Variants in PRIM2 observed in about 807,000 individuals in gnomAD.
PRIM2 encodes the protein DNA primase subunit 2.
A neutral mutation model predicts 67.3 loss-of-function variants in PRIM2; 39 were observed. The ratio of observed to expected loss-of-function variants is 0.58; its 90% confidence interval spans 0.45 to 0.76. The LOEUF (loss-of-function observed/expected upper bound fraction) is 0.76. Among genes scored for constraint, PRIM2 ranks in the 30% least tolerant of loss-of-function variants. The pLI is 0.00. For synonymous variants in PRIM2, 143 were observed against 198.7 expected (o/e 0.72, Z 2.36); for missense variants, 398 against 598.7 (o/e 0.66, Z 3.50).
chr6:57,359,340 T>G (rs1198911824), intron 5 of PRIM2, among the ~76,000 whole-genome samples: 1 of 152,182 alleles, frequency 6.6e-6, no homozygotes, highest in African/African-American at 2.4e-5. Context: ...AGAGGCATGT[T>G]GACATTCCCA....
At chr6:57,303,441 A>T in the PRIM2 span, among the ~76,000 whole-genome samples, 2 of 152,174 alleles carry the variant, frequency 1.3e-5, no homozygotes, top group Non-Finnish European at 2.9e-5. Context: ...CAAGAGAGAA[A>T]ATCTGACTGG....
chr6:57,361,912 G>T (rs1769214105), intron 5 of PRIM2, among the ~76,000 whole-genome samples: 1 of 152,094 alleles, frequency 6.6e-6, no homozygotes, highest in Non-Finnish European at 1.5e-5. Context: ...AAAAAAAAGT[G>T]GGCATTGCCA....
At chr6:57,598,940 C>CTTTT (rs1196895159) in intron 10 of PRIM2, among the ~76,000 whole-genome samples, 1 of 7,582 alleles carries the variant, frequency 1.3e-4, no homozygotes, top group Non-Finnish European at 2.0e-4. Context: ...TGACTGAGCT[C>CTTTT]TTTTTTTTTT....
upstream of PRIM2, among the ~76,000 whole-genome samples, chr6:57,310,317 A>G (rs1177353295): frequency 1.3e-5 from 2 of 152,192 alleles, no homozygotes; most frequent in Admixed American, 1.3e-4. Context: ...CCCTTAATCC[A>G]TTTAACCCTG....
intron 7 of PRIM2, among the ~76,000 whole-genome samples, chr6:57,448,256 T>G (rs7752223): frequency 0.033 from 5,012 of 152,230 alleles, 275 homozygotes; most frequent in African/African-American, 0.11. Context: ...TATTTTAATT[T>G]TCAAATCAGC....
the PRIM2 span, among the ~76,000 whole-genome samples, chr6:57,267,561 A>G: frequency 4.6e-5 from 7 of 151,954 alleles, no homozygotes; most frequent in South Asian, 2.1e-4. Context: ...GAGCATTGCT[A>G]TAAAGAATGG....
the PRIM2 span, among the ~76,000 whole-genome samples, chr6:57,294,103 A>G: frequency 2.6e-5 from 4 of 152,222 alleles, no homozygotes; most frequent in African/African-American, 9.6e-5. Flanking sequence ...ATGGAACTAT[A>G]AAAAATGATG....
intron 5 of PRIM2, among the ~76,000 whole-genome samples, chr6:57,346,242 G>A (rs1048364113): frequency 1.1e-4 from 17 of 152,182 alleles, no homozygotes; most frequent in Admixed American, 6.5e-4. Context: ...AGTTGCTCTC[G>A]CTCTACTAGA....
At chr6:57,556,321 C>T (rs1361664342) in intron 10 of PRIM2, among the ~76,000 whole-genome samples, 13 of 152,002 alleles carry the variant, frequency 8.6e-5, no homozygotes, top group Admixed American at 8.5e-4. Flanking sequence ...CCAAAAAGGC[C>T]TTAGTAGCCA....
At chr6:57,402,139 G>T (rs968014012) in intron 7 of PRIM2, among the ~76,000 whole-genome samples, 4 of 152,146 alleles carry the variant, frequency 2.6e-5, no homozygotes, top group African/African-American at 9.7e-5. Flanking sequence ...GGCTGCTGTG[G>T]TATCCTGGGG....
intron 5 of PRIM2, among the ~76,000 whole-genome samples, chr6:57,334,999 T>G (rs1768176970): frequency 6.6e-6 from 1 of 151,992 alleles, no homozygotes; most frequent in African/African-American, 2.4e-5. Flanking sequence ...GGTCAGTGGG[T>G]GCGCGCACCG....
chr6:57,345,177 G>C (rs1318301170), intron 5 of PRIM2, among the ~76,000 whole-genome samples: 1 of 145,490 alleles, frequency 6.9e-6, no homozygotes, highest in East Asian at 2.0e-4. Context: ...TTTTTTTTTT[G>C]AGACAGGGTT....
At chr6:57,427,605 A>G (rs1301378374) in intron 7 of PRIM2, among the ~76,000 whole-genome samples, 17 of 152,352 alleles carry the variant, frequency 1.1e-4, no homozygotes, top group African/African-American at 4.1e-4. Context: ...GGTGTGAGCC[A>G]CCATGCCCAG....
At chr6:57,613,830 T>C (rs1776706472) in intron 12 of PRIM2, among the ~76,000 whole-genome samples, 1 of 143,006 alleles carries the variant, frequency 7.0e-6, no homozygotes, top group Non-Finnish European at 1.5e-5. Context: ...ATGTCTACTC[T>C]TTTTTTTTAT....
chr6:57,503,880 A>C (rs1209465843), intron 7 of PRIM2, among the ~76,000 whole-genome samples: 1 of 152,236 alleles, frequency 6.6e-6, no homozygotes, highest in African/African-American at 2.4e-5. Flanking sequence ...AGGTTAGGGA[A>C]GGCCTCTGTG....
chr6:57,393,987 T>C (rs1412963808), intron 7 of PRIM2, among the ~76,000 whole-genome samples: 1 of 152,106 alleles, frequency 6.6e-6, no homozygotes, highest in Non-Finnish European at 1.5e-5. Context: ...TTTGGGTTTA[T>C]TTCTGGATTC....
chr6:57,303,417 T>C, the PRIM2 span, among the ~76,000 whole-genome samples: 2 of 152,204 alleles, frequency 1.3e-5, no homozygotes, highest in South Asian at 4.1e-4. Flanking sequence ...AATTTAATTG[T>C]TCACTCCAAA....
chr6:57,289,459 A>G, the PRIM2 span, among the ~76,000 whole-genome samples: 1 of 152,190 alleles, frequency 6.6e-6, no homozygotes, highest in South Asian at 2.1e-4. Context: ...AGGGAACACC[A>G]CAAAGATACT....
At chr6:57,500,472 A>G (rs1774108840) in intron 7 of PRIM2, among the ~76,000 whole-genome samples, 1 of 152,208 alleles carries the variant, frequency 6.6e-6, no homozygotes, top group African/African-American at 2.4e-5. Flanking sequence ...AAGAAGGTTT[A>G]CTCAAGCAAA....
Sources: allele counts gnomAD v4.1 joint callset (sites outside exome capture counted in the v4.1 genomes callset), GRCh38; gene constraint gnomAD v4.1.1; transcripts MANE v1.5; gene names NCBI Gene and HGNC (gene_info 2026-07-23, HGNC 2026-07-21).